Variants in BANK1 observed in about 807,000 individuals in gnomAD.
The protein encoded by BANK1 is B cell scaffold protein with ankyrin repeats 1.
A neutral mutation model predicts 94.5 loss-of-function variants in BANK1; 95 were observed. That is an observed-to-expected ratio of 1.00 (90% CI 0.85 to 1.19). The LOEUF (loss-of-function observed/expected upper bound fraction) is 1.19, where lower values mean the gene tolerates loss of function less well. BANK1 is among the 50% of genes most tolerant of loss of function. BANK1 has a pLI of 0.00. For missense variants in BANK1, 987 were observed against 932.2 expected (o/e 1.06, Z -0.77); for synonymous variants, 334 against 308.4 (o/e 1.08, Z -0.87).
chr4:101,848,630 A>G (rs1727346628), intron 2 of BANK1, among the ~76,000 whole-genome samples: 1 of 152,254 alleles, frequency 6.6e-6, no homozygotes, highest in Admixed American at 6.5e-5. Context: ...TGTCAAGGGC[A>G]TGCAGTTTAA....
intron 7 of BANK1, among the ~76,000 whole-genome samples, chr4:101,955,869 T>A (rs938242981): frequency 6.6e-5 from 10 of 152,206 alleles, no homozygotes; most frequent in Non-Finnish European, 1.3e-4. Flanking sequence ...TGTTTTTTAC[T>A]CTGTAAAACG....
At chr4:101,827,468 G>T (rs939347606) in intron 1 of BANK1, among the ~76,000 whole-genome samples, 3 of 151,870 alleles carry the variant, frequency 2.0e-5, no homozygotes, top group Non-Finnish European at 4.4e-5. Context: ...TAAAGATGAG[G>T]TTAGAATGTT....
chr4:101,845,152 G>A (rs1156833189), intron 2 of BANK1, among the ~76,000 whole-genome samples: 4 of 151,874 alleles, frequency 2.6e-5, no homozygotes, highest in East Asian at 1.9e-4. Context: ...ATACTATTCC[G>A]TTCCATGATG....
At chr4:101,902,059 C>T (rs1231133358) in intron 6 of BANK1, among the ~76,000 whole-genome samples, 1 of 152,162 alleles carries the variant, frequency 6.6e-6, no homozygotes, top group Non-Finnish European at 1.5e-5. Flanking sequence ...CACGCCTGGC[C>T]CATCTCCAGC....
Position 101,857,100 on chromosome 4 carries a change from AC to A in BANK1, c.624+1913del. 2.0e-5 allele frequency among the ~76,000 whole-genome samples: 3 copies of A among 152,286 alleles called. No homozygotes were observed. The South Asian group carries it at 6.2e-4, about 32-fold the overall frequency. ...CCTATGTCAACTGTCTGAAAGCACA[AC>A]CTTTGAATTCAAATTCATTTCTGAG... is the stretch of plus-strand genomic sequence containing the variant. On this transcript the variant is annotated intron_variant, in intron 3 of 16. Coordinates refer to ENST00000322953, the MANE Select transcript of BANK1 (RefSeq NM_017935.5).
At chr4:101,930,183 A>G (rs2148905034) in intron 7 of BANK1, among the ~76,000 whole-genome samples, 1 of 151,372 alleles carries the variant, frequency 6.6e-6, no homozygotes, top group African/African-American at 2.4e-5. Flanking sequence ...TGTGTTCATC[A>G]TTGTATCTGC....
chr4:101,869,512 A>C (rs1250575668), intron 4 of BANK1, among the ~76,000 whole-genome samples: 1 of 151,914 alleles, frequency 6.6e-6, no homozygotes, highest in East Asian at 1.9e-4. Flanking sequence ...CAGCTCCTTG[A>C]CCTAGTTAAG....
intron 7 of BANK1, among the ~76,000 whole-genome samples, chr4:101,952,841 C>T (rs527855653): frequency 3.9e-5 from 6 of 152,090 alleles, no homozygotes; most frequent in South Asian, 2.1e-4. Flanking sequence ...TACCACACTC[C>T]AGCATTGCCA....
At chr4:102,068,456 C>T (rs1728657987) in intron 13 of BANK1, among the ~76,000 whole-genome samples, 1 of 151,932 alleles carries the variant, frequency 6.6e-6, no homozygotes, top group South Asian at 2.1e-4. Flanking sequence ...AAAAAGACAA[C>T]AAGATACCTA....
At chr4:101,899,087 G>A (rs1308389899) in intron 6 of BANK1, among the ~76,000 whole-genome samples, 9 of 151,808 alleles carry the variant, frequency 5.9e-5, no homozygotes, top group Admixed American at 2.0e-4. Flanking sequence ...GAAGTTTTAC[G>A]GACCTGTTCC....
At chr4:102,053,625 C>T (rs1728126833) in intron 11 of BANK1, among the ~76,000 whole-genome samples, 1 of 151,660 alleles carries the variant, frequency 6.6e-6, no homozygotes, top group African/African-American at 2.4e-5. Flanking sequence ...TTAACCAAAA[C>T]ATATTCTAAC....
intron 6 of BANK1, among the ~76,000 whole-genome samples, chr4:101,905,597 A>G (rs1722422320): frequency 6.6e-6 from 1 of 151,994 alleles, no homozygotes; most frequent in Admixed American, 6.6e-5. Flanking sequence ...TAGTATGACC[A>G]TGCTTCCCAC....
At chr4:101,796,890 C>A (rs529511559) in intron 1 of BANK1, among the ~76,000 whole-genome samples, 1 of 152,076 alleles carries the variant, frequency 6.6e-6, no homozygotes, top group Non-Finnish European at 1.5e-5. Context: ...CTTAGTAAAA[C>A]AGGAAGTAAA....
rs1220195670 is a variant in BANK1, at chr4:102,073,748, G to T, written c.*5G>T. ...TGTTGCAAGAAAGATCATTAAAGAA[G>T]GTAAAATATTAGCTGTGTATATTTT... On this transcript the variant is annotated splice_region_variant and 3_prime_UTR_variant, in exon 16 of 17. Transcript: ENST00000322953. 1 of 1,605,806 alleles carries T rather than the reference G, an allele frequency of 6.2e-7. No individual in the cohort carries two copies. Among genetic ancestry groups the T allele is most frequent in the Middle Eastern group, 1.7e-4 (1 of 6,022 alleles).
At chr4:101,887,181 T>C (rs1008886473) in intron 5 of BANK1, among the ~76,000 whole-genome samples, 1 of 152,216 alleles carries the variant, frequency 6.6e-6, no homozygotes, top group African/African-American at 2.4e-5. Context: ...ATGAAGATGA[T>C]ATATAACAGT....
chr4:102,015,064 C>G (rs1460156141), intron 7 of BANK1, among the ~76,000 whole-genome samples: 1 of 151,984 alleles, frequency 6.6e-6, no homozygotes, highest in Non-Finnish European at 1.5e-5. Flanking sequence ...TCTCACCATC[C>G]AACTTCATTT....
chr4:101,907,101 A>G (rs756228812), intron 6 of BANK1, among the ~76,000 whole-genome samples: 2 of 152,210 alleles, frequency 1.3e-5, no homozygotes, highest in Non-Finnish European at 2.9e-5. Context: ...AATTAAAGGA[A>G]TAGGTTGGGC....
At chr4:101,879,279 C>T (rs1370249181) in intron 5 of BANK1, among the ~76,000 whole-genome samples, 1 of 151,772 alleles carries the variant, frequency 6.6e-6, no homozygotes, top group Non-Finnish European at 1.5e-5. Context: ...ACATTACAAC[C>T]AATACCTAGA....
At chr4:101,812,714 G>A (rs1292858614) in intron 1 of BANK1, among the ~76,000 whole-genome samples, 2 of 151,780 alleles carry the variant, frequency 1.3e-5, no homozygotes, top group Non-Finnish European at 2.9e-5. Flanking sequence ...TTAAAATTAT[G>A]CCTAGATATT....
Sources: gnomAD v4.1 joint callset for allele counts (sites outside exome capture counted in the v4.1 genomes callset) on GRCh38, gnomAD v4.1.1 for gene constraint, MANE v1.5 for transcripts, NCBI Gene and HGNC (gene_info 2026-07-23, HGNC 2026-07-21) for gene names.